ARHGAP28: variants seen among roughly 807,000 people sequenced by gnomAD.
ARHGAP28 encodes rho GTPase-activating protein 28.
A neutral mutation model predicts 90.7 loss-of-function variants in ARHGAP28; 56 were observed. The ratio of observed to expected loss-of-function variants is 0.62; its 90% confidence interval spans 0.50 to 0.77. The LOEUF (loss-of-function observed/expected upper bound fraction) is 0.77. Among genes scored for constraint, ARHGAP28 ranks in the 30% least tolerant of loss-of-function variants. The probability of loss-of-function intolerance (pLI) is 0.00; values close to 1 mark genes in which losing one functional copy is unlikely to be tolerated. For synonymous variants in ARHGAP28, 308 were observed against 323.3 expected, an observed-to-expected ratio of 0.95 and a Z score of 0.51; for missense variants, 869 against 900.9, an observed-to-expected ratio of 0.96 and a Z score of 0.45.
At chr18:6,895,809 T>C (rs972081289) in intron 15 of ARHGAP28, among the ~76,000 whole-genome samples, 1 of 152,230 alleles carries the variant, frequency 6.6e-6, no homozygotes, top group Non-Finnish European at 1.5e-5. Flanking sequence ...TCATTTTGTC[T>C]TTTGGGGAGA....
At chr18:6,766,917 C>A in intron 1 of ARHGAP28, among the ~76,000 whole-genome samples, 1 of 152,124 alleles carries the variant, frequency 6.6e-6, no homozygotes, top group East Asian at 1.9e-4. Context: ...TATCTTGGTC[C>A]GTCCTTTACT....
intron 2 of ARHGAP28, among the ~76,000 whole-genome samples, chr18:6,831,041 C>A (rs1264659927): frequency 2.6e-5 from 4 of 152,190 alleles, no homozygotes; most frequent in Non-Finnish European, 5.9e-5. Context: ...CTATTTTACA[C>A]TCCTTCCAGC....
At chr18:6,795,569 C>T (rs1444935945) in intron 1 of ARHGAP28, among the ~76,000 whole-genome samples, 1 of 152,226 alleles carries the variant, frequency 6.6e-6, no homozygotes, top group Admixed American at 6.5e-5. Flanking sequence ...ACTAACTCTA[C>T]ACTGGCAGCT....
intron 14 of ARHGAP28, among the ~76,000 whole-genome samples, chr18:6,892,445 C>G (rs1818473327): frequency 1.3e-5 from 2 of 152,206 alleles, no homozygotes; most frequent in South Asian, 4.1e-4. Flanking sequence ...AACCACCACA[C>G]CCAGCCTGAA....
At chr18:6,877,561 G>T (rs635064) in intron 10 of ARHGAP28, among the ~76,000 whole-genome samples, 2 of 152,002 alleles carry the variant, frequency 1.3e-5, no homozygotes, top group South Asian at 4.1e-4. Flanking sequence ...TCCGTGAAGC[G>T]AGGTCGGAGC....
At chr18:6,827,318 T>G (rs1357395971) in intron 2 of ARHGAP28, among the ~76,000 whole-genome samples, 1 of 146,326 alleles carries the variant, frequency 6.8e-6, no homozygotes, top group African/African-American at 2.5e-5. Context: ...GGCGGGGGGC[T>G]GAACCCTCCA....
At chr18:6,890,158 G>T in intron 13 of ARHGAP28, 73 bp downstream of exon 13, 1 of 1,531,276 alleles carries the variant, frequency 6.5e-7, no homozygotes. Context: ...TCCATGATTG[G>T]GCAACTCCCT....
chr18:6,841,170 C>CTT (rs879289822), intron 3 of ARHGAP28, among the ~76,000 whole-genome samples: 5,510 of 79,212 alleles, frequency 0.07, 210 homozygotes, highest in Non-Finnish European at 0.1. Flanking sequence ...TCTCTCTCCT[C>CTT]TCTCTCTCTC....
chr18:6,751,457 C>G (rs983042343), intron 1 of ARHGAP28, among the ~76,000 whole-genome samples: 2 of 152,196 alleles, frequency 1.3e-5, no homozygotes, highest in African/African-American at 4.8e-5. Flanking sequence ...TAATTTGTCT[C>G]TTGTTAAAGT....
In ARHGAP28 at chr18:6,837,257, A is replaced by G; in HGVS notation, c.386A>G (p.Asp129Gly). 1 of 1,598,984 alleles carries G rather than the reference A, an allele frequency of 6.3e-7. No homozygotes were observed. Among genetic ancestry groups the G allele is most frequent in the Non-Finnish European group, 8.5e-7 (1 of 1,173,694 alleles). ...DVGLSTLISG[D>G]EEEDGKALLS... is the part of the protein sequence containing the mutation. ...GGTTTATCAACTCTGATCTCAGGTG[A>G]TGAAGAGGAAGATGGCAAAGCCTTG... The change falls in exon 3 of 18, where the codon GAT becomes GGT. Residue 129 changes from aspartate (D) to glycine (G), a missense_variant. Coordinates refer to ENST00000383472, the MANE Select transcript of ARHGAP28 (RefSeq NM_001366230.1).
At chr18:6,841,170 C>CTCTCTCTCTCCTCTT (rs2056812070) in intron 3 of ARHGAP28, among the ~76,000 whole-genome samples, 3 of 81,126 alleles carry the variant, frequency 3.7e-5, no homozygotes, top group African/African-American at 1.0e-4. Context: ...TCTCTCTCCT[C>CTCTCTCTCTCCTCTT]TCTCTCTCTC....
intron 5 of ARHGAP28, among the ~76,000 whole-genome samples, chr18:6,860,634 T>G (rs2056990421): frequency 1.3e-5 from 2 of 152,140 alleles, no homozygotes; most frequent in Admixed American, 6.6e-5. Flanking sequence ...GCTGGGGCAG[T>G]TTTTCCTCAA....
Position 6,781,715 on chromosome 18 carries a change from G to T in ARHGAP28, c.123-43047G>T, listed in dbSNP as rs553934492. On this transcript the variant is annotated intron_variant, in intron 1 of 17. Coordinates refer to ENST00000383472, the MANE Select transcript of ARHGAP28 (RefSeq NM_001366230.1). ...GACACACTGTGGCATTGTTCTGGGGGTGGGACACCAAACACATGGCCTCTA... is the reference window on the plus strand; with the variant it reads ...GACACACTGTGGCATTGTTCTGGGGTTGGGACACCAAACACATGGCCTCTA... Among the ~76,000 whole-genome samples the T allele has an allele frequency of 1.1e-4, 17 of 152,320 alleles. No individual in the cohort carries two copies. In the South Asian group the frequency reaches 3.5e-3, roughly 32 times the overall value.
At chr18:6,823,588 A>G (rs1179963779) in intron 1 of ARHGAP28, among the ~76,000 whole-genome samples, 3 of 145,420 alleles carry the variant, frequency 2.1e-5, no homozygotes, top group Non-Finnish European at 4.5e-5. Context: ...GCTGGGTCTT[A>G]TGGTGGCTCT....
At chr18:6,827,362 A>G (rs1238895941) in intron 2 of ARHGAP28, among the ~76,000 whole-genome samples, 46 of 118,964 alleles carry the variant, frequency 3.9e-4, no homozygotes, top group Admixed American at 6.9e-4. Flanking sequence ...GGCTGGGCGG[A>G]GGGTTGACCC....
intron 1 of ARHGAP28, among the ~76,000 whole-genome samples, chr18:6,755,007 G>A (rs919000179): frequency 5.3e-5 from 8 of 151,970 alleles, no homozygotes; most frequent in African/African-American, 1.9e-4. Context: ...AATTAGCTAG[G>A]TGTGGTGGTA....
At chr18:6,910,264 C>T (rs1392237049) in intron 17 of ARHGAP28, among the ~76,000 whole-genome samples, 1 of 152,154 alleles carries the variant, frequency 6.6e-6, no homozygotes, top group Non-Finnish European at 1.5e-5. Flanking sequence ...TGCTGGAGAC[C>T]CTGTGCCCCT....
At chr18:6,812,791 T>G (rs2056566256) in intron 1 of ARHGAP28, among the ~76,000 whole-genome samples, 1 of 152,228 alleles carries the variant, frequency 6.6e-6, no homozygotes, top group Non-Finnish European at 1.5e-5. Flanking sequence ...TTACAGCTCT[T>G]GTCTTTCTAA....
intron 2 of ARHGAP28, among the ~76,000 whole-genome samples, chr18:6,833,737 G>T (rs897565046): frequency 1.3e-5 from 2 of 152,076 alleles, no homozygotes; most frequent in Non-Finnish European, 2.9e-5. Context: ...TACATGCAAG[G>T]TTTCTCCAGT....
Sources: gnomAD v4.1 joint callset for allele counts (sites outside exome capture counted in the v4.1 genomes callset) on GRCh38, gnomAD v4.1.1 for gene constraint, MANE v1.5 for transcripts, NCBI Gene and HGNC (gene_info 2026-07-23, HGNC 2026-07-21) for gene names.